The following KLF12 variants were observed in gnomAD, a reference collection of about 807,000 sequenced individuals.
KLF12 encodes Krueppel-like factor 12.
In KLF12, 9 loss-of-function variants were observed where a neutral mutation model predicts 37.8. The observed-to-expected ratio is 0.24, with a 90% CI of 0.14 to 0.42. The LOEUF (loss-of-function observed/expected upper bound fraction) is 0.42, where lower values mean the gene tolerates loss of function less well. Ranked by LOEUF, KLF12 falls within the 10% of genes least tolerant of loss-of-function variation. The pLI is 1.00. For synonymous variants in KLF12, 208 were observed against 202.1 expected, an observed-to-expected ratio of 1.03 and a Z score of -0.25; for missense variants, 411 against 516.0, an observed-to-expected ratio of 0.80 and a Z score of 1.97.
chr13:73,820,013 A>T (rs1405218243), intron 4 of KLF12, among the ~76,000 whole-genome samples: 1 of 152,162 alleles, frequency 6.6e-6, no homozygotes, highest in African/African-American at 2.4e-5. Context: ...GGGCATGCAG[A>T]GTACAGAGGG....
At chr13:73,739,658 C>T (rs1877806411) in intron 6 of KLF12, among the ~76,000 whole-genome samples, 1 of 140,236 alleles carries the variant, frequency 7.1e-6, no homozygotes, top group Admixed American at 8.7e-5. Context: ...TCTCTAGAGA[C>T]TCTATGCAGC....
chr13:73,924,994 G>C (rs899779767), intron 3 of KLF12, among the ~76,000 whole-genome samples: 3 of 152,130 alleles, frequency 2.0e-5, no homozygotes, highest in African/African-American at 7.2e-5. Context: ...GAGATGATAA[G>C]GCTACTGAAG....
rs1795467714 is a variant in KLF12 at position 73,689,645 on chromosome 13, G to T, written c.*5845C>A. On this transcript the variant is annotated 3_prime_UTR_variant, in exon 8 of 8. Transcript: ENST00000377669. ...TAAAGGCTAGGCTTACTAAGTGTCA[G>T]TGGTACTTCAACAGACTTTTTGGGG... 1 of 152,268 alleles carries T rather than the reference G, an allele frequency of 6.6e-6. No homozygotes were observed. Among genetic ancestry groups the T allele is most frequent in the Admixed American group, 6.5e-5 (1 of 15,292 alleles). 9.4% of individuals were successfully genotyped at this position (152,268 alleles called of 1,614,324 possible).
intron 2 of KLF12, among the ~76,000 whole-genome samples, chr13:73,984,259 G>A (rs906419257): frequency 7.2e-5 from 11 of 152,252 alleles, no homozygotes; most frequent in South Asian, 6.2e-4. Flanking sequence ...CCACCCTGGC[G>A]GGACTCGGGG....
rs549966855 is a variant in KLF12 at position 73,822,407 on chromosome 13, G to C, written c.671-9120C>G. On this transcript the variant is annotated intron_variant, in intron 4 of 7. Coordinates refer to ENST00000377669, the MANE Select transcript of KLF12 (RefSeq NM_007249.5). ...ATTTCTATCACATGAATTACCGCTTGGAAACTAAAATGAAGGAATTTCATC... is the reference window on the plus strand; with the variant it reads ...ATTTCTATCACATGAATTACCGCTTCGAAACTAAAATGAAGGAATTTCATC... Among the ~76,000 whole-genome samples, 10 of 152,176 alleles carry C rather than the reference G, an allele frequency of 6.6e-5. No individual in the cohort carries two copies. In the South Asian group the frequency reaches 2.1e-3, roughly 32 times the overall value.
intron 4 of KLF12, among the ~76,000 whole-genome samples, chr13:73,842,660 T>A (rs1440983136): frequency 6.6e-6 from 1 of 152,226 alleles, no homozygotes; most frequent in Non-Finnish European, 1.5e-5. Context: ...GCCAGTACAA[T>A]CATCTACATT....
chr13:73,715,632 G>A (rs770035339), intron 6 of KLF12, 107 bp from the exon 7 acceptor site: 9 of 1,114,636 alleles, frequency 8.1e-6, no homozygotes, highest in Non-Finnish European at 1.2e-5. Context: ...CAGACTCAAG[G>A]CCACCATGAC....
the KLF12 span, among the ~76,000 whole-genome samples, chr13:74,214,290 C>T: frequency 6.8e-6 from 1 of 148,128 alleles, no homozygotes; most frequent in Non-Finnish European, 1.5e-5. Context: ...CTGTAGCCTT[C>T]TATCCTCCTG....
the KLF12 span, among the ~76,000 whole-genome samples, chr13:74,172,142 G>GACACACACAC: frequency 0.1 from 14,895 of 145,944 alleles, 812 homozygotes; most frequent in South Asian, 0.18. Context: ...TTTTCCTCAC[G>GACACACACAC]ACACACACAC....
chr13:73,752,669 C>CT (rs1352878584), intron 6 of KLF12, among the ~76,000 whole-genome samples: 18 of 151,748 alleles, frequency 1.2e-4, no homozygotes, highest in Admixed American at 3.3e-4. Context: ...GCTAGCATGT[C>CT]TTTCTCCTCA....
At chr13:73,756,676 A>C (rs757099696) in intron 6 of KLF12, among the ~76,000 whole-genome samples, 6 of 152,072 alleles carry the variant, frequency 3.9e-5, no homozygotes, top group Non-Finnish European at 5.9e-5. Flanking sequence ...CTTTCCCATC[A>C]TTTTTTGGTA....
chr13:73,884,136 G>A (rs1192910113), intron 3 of KLF12, among the ~76,000 whole-genome samples: 1 of 152,116 alleles, frequency 6.6e-6, no homozygotes, highest in Non-Finnish European at 1.5e-5. Context: ...AAATAAGATG[G>A]AACTCTTTCT....
intron 3 of KLF12, among the ~76,000 whole-genome samples, chr13:73,940,140 T>C (rs188078089): frequency 2.0e-5 from 3 of 152,184 alleles, no homozygotes; most frequent in Admixed American, 6.5e-5. Context: ...TCTAATACTC[T>C]TCTTGTTTCA....
At chr13:74,197,973 G>T in the KLF12 span, among the ~76,000 whole-genome samples, 1 of 151,906 alleles carries the variant, frequency 6.6e-6, no homozygotes, top group East Asian at 1.9e-4. Flanking sequence ...TTTAGGGAGT[G>T]AAAGAGTTGT....
intron 5 of KLF12, among the ~76,000 whole-genome samples, chr13:73,765,630 C>T (rs1879860203): frequency 6.6e-6 from 1 of 152,108 alleles, no homozygotes; most frequent in Non-Finnish European, 1.5e-5. Flanking sequence ...ATATTGCTTT[C>T]CAAGCTTCCA....
rs184075183 is a variant in KLF12, at chr13:74,037,447, A to G, written c.-31-42394T>C. ...ACATGCATCCATCTTTACAACCTCA[A>G]TTATGCACAAGACATCCACAGCCGC... is the stretch of plus-strand genomic sequence containing the variant. On this transcript the variant is annotated intron_variant, in intron 1 of 7. Transcript: ENST00000377669. Among the ~76,000 whole-genome samples the G allele has an allele frequency of 1.9e-3, 282 of 152,148 alleles. 1 individual carries two copies. Among genetic ancestry groups the G allele is most frequent in the African/African-American group, 6.3e-3 (262 of 41,514 alleles).
intron 7 of KLF12, among the ~76,000 whole-genome samples, chr13:73,711,214 TG>T (rs1875373362): frequency 6.6e-6 from 1 of 152,188 alleles, no homozygotes; most frequent in Non-Finnish European, 1.5e-5. Flanking sequence ...AAGTGCAAGT[TG>T]TAGCAGCAAG....
intron 1 of KLF12, among the ~76,000 whole-genome samples, chr13:74,084,431 TA>T (rs1204253773): frequency 6.6e-6 from 1 of 152,198 alleles, no homozygotes; most frequent in Non-Finnish European, 1.5e-5. Flanking sequence ...AGGGTTTTTA[TA>T]AAGTCCCCAT....
chr13:74,177,812 T>A, the KLF12 span, among the ~76,000 whole-genome samples: 1 of 152,142 alleles, frequency 6.6e-6, no homozygotes, highest in East Asian at 1.9e-4. Flanking sequence ...ATTCAAACTA[T>A]GAAAAACTTT....
Sources: allele counts gnomAD v4.1 joint callset (sites outside exome capture counted in the v4.1 genomes callset), GRCh38; gene constraint gnomAD v4.1.1; transcripts MANE v1.5; gene names NCBI Gene and HGNC (gene_info 2026-07-23, HGNC 2026-07-21).